Variants in DPP6 observed in about 807,000 individuals in gnomAD.
The protein encoded by DPP6 is dipeptidyl peptidase like 6, also known as A-type potassium channel modulatory protein DPP6.
DPP6 carries 69 observed loss-of-function variants against 122.6 expected under a neutral mutation model. That is an observed-to-expected ratio of 0.56 (90% CI 0.46 to 0.69). The LOEUF is 0.69. DPP6 is among the 30% of genes least tolerant of loss of function. The probability of loss-of-function intolerance (pLI) is 0.00; values close to 1 mark genes in which losing one functional copy is unlikely to be tolerated. For missense variants in DPP6, 928 were observed against 1,116.9 expected (o/e 0.83, Z 2.41); for synonymous variants, 418 against 433.1 (o/e 0.97, Z 0.43).
At chr7:154,599,007 C>A (rs1833265125) in intron 5 of DPP6, among the ~76,000 whole-genome samples, 1 of 152,068 alleles carries the variant, frequency 6.6e-6, no homozygotes, top group Non-Finnish European at 1.5e-5. Context: ...GGGAGAGACC[C>A]TGCAGCAGTA....
chr7:154,842,506 C>T (rs1801632660), intron 16 of DPP6, among the ~76,000 whole-genome samples: 1 of 152,126 alleles, frequency 6.6e-6, no homozygotes, highest in South Asian at 2.1e-4. Flanking sequence ...GGGCTGCAAA[C>T]CAGAGACACA....
rs753562821 is a variant in DPP6, at chr7:154,868,106, T to C, written c.1813+13T>C. The stretch of plus-strand genomic sequence containing the variant: ...ATTGATGATTACAGTAAGTACTACG[T>C]TTTTCCCCTCTAAAAGAAAAAGAAA... On this transcript the variant is annotated intron_variant, in intron 18 of 25. Coordinates refer to ENST00000377770, the MANE Select transcript of DPP6 (RefSeq NM_130797.4). 6.3e-7 allele frequency: 1 copy of C among 1,591,146 alleles called. No homozygotes were observed. The highest frequency in any genetic ancestry group is 1.2e-5 in the South Asian group (1 of 86,658).
chr7:154,329,277 A>C (rs1808711240), intron 1 of DPP6, among the ~76,000 whole-genome samples: 1 of 152,246 alleles, frequency 6.6e-6, no homozygotes, highest in South Asian at 2.1e-4. Flanking sequence ...ATTGTGTTGC[A>C]TCCGCACTGG....
chr7:154,804,092 G>A, intron 14 of DPP6, 137 bp downstream of exon 14: 1 of 1,105,556 alleles, frequency 9.0e-7, no homozygotes, highest in Non-Finnish European at 1.3e-6. Flanking sequence ...CTGACTCCTA[G>A]TTTCTTCATG....
rs192393856 is a variant in DPP6, at chr7:154,062,055, C to A, written c.243+8992C>A. Among the ~76,000 whole-genome samples the A allele has an allele frequency of 1.3e-4, 15 of 113,410 alleles. 1 individual carries two copies. Among genetic ancestry groups the A allele is most frequent in the African/African-American group, 3.6e-4 (11 of 30,422 alleles). 74.4% of individuals were successfully genotyped at this position (113,410 alleles called of 152,430 possible). ...CCCCCGCGAGGCAGGGACTGACAGC[C>A]AGCCCCTGGTTCCCCCACTGGCTCT... is the stretch of plus-strand genomic sequence containing the variant. On this transcript the variant is annotated intron_variant, in intron 1 of 25. Transcript: ENST00000377770.
At chr7:153,884,870 C>CT (rs1353998751), upstream of DPP6, among the ~76,000 whole-genome samples, 3 of 151,402 alleles carry the variant, frequency 2.0e-5, no homozygotes, top group Non-Finnish European at 2.9e-5. Context: ...GTCCCAGCTA[C>CT]TTGGGAGGCT....
chr7:154,545,470 C>CCCTCCCTT (rs1829099928), intron 4 of DPP6, among the ~76,000 whole-genome samples: 1 of 124,302 alleles, frequency 8.0e-6, no homozygotes, highest in Non-Finnish European at 1.6e-5. Flanking sequence ...CTCCCTCCCT[C>CCCTCCCTT]CCTTCCTTCC....
At position 153,997,774 on chromosome 7, in the gene DPP6, C is replaced by T. The variant is rs191473585; in HGVS notation, c.51+110040C>T. Among the ~76,000 whole-genome samples the T allele has an allele frequency of 3.3e-3, 497 of 149,124 alleles. 9 individuals are homozygous for T. Among genetic ancestry groups the T allele is most frequent in the African/African-American group, 9.9e-3 (387 of 39,244 alleles). On this transcript the variant is annotated intron_variant, in intron 1 of 25. Coordinates refer to the DPP6 transcript ENST00000404039. Reference sequence around the variant, plus strand: ...GTCTACTACATGCAGCACTGCTGTTCGGGTGCTGGGGTTATAGCAGGCTAC... The same window carrying T: ...GTCTACTACATGCAGCACTGCTGTTTGGGTGCTGGGGTTATAGCAGGCTAC...
chr7:153,980,057 CA>C (rs1426609831), intron 1 of DPP6, among the ~76,000 whole-genome samples: 2 of 152,080 alleles, frequency 1.3e-5, no homozygotes, highest in African/African-American at 4.8e-5. Context: ...ATGCTGGCCT[CA>C]AAAATGAGTT....
intron 3 of DPP6, among the ~76,000 whole-genome samples, chr7:154,484,621 G>A (rs550546231): frequency 7.2e-5 from 11 of 152,150 alleles, no homozygotes; most frequent in Non-Finnish European, 1.2e-4. Flanking sequence ...CCTCCTCCCC[G>A]CCCCCTGCAG....
chr7:154,706,133 C>T (rs1254772603), intron 7 of DPP6, among the ~76,000 whole-genome samples: 2 of 152,212 alleles, frequency 1.3e-5, no homozygotes, highest in Admixed American at 6.5e-5. Flanking sequence ...CACACAAAAG[C>T]ATGGAGTCAG....
chr7:154,159,473 C>A (rs1366225874), intron 1 of DPP6, among the ~76,000 whole-genome samples: 3 of 152,326 alleles, frequency 2.0e-5, no homozygotes, highest in Admixed American at 2.0e-4. Flanking sequence ...CCAGAAGAAT[C>A]CAGAATGTTT....
At chr7:154,373,973 T>C (rs762414999) in intron 1 of DPP6, among the ~76,000 whole-genome samples, 6 of 152,216 alleles carry the variant, frequency 3.9e-5, no homozygotes, top group Non-Finnish European at 1.5e-5. Flanking sequence ...TGTCAGAATT[T>C]CCTACCCTTT....
chr7:154,061,734 A>G lies in DPP6; in HGVS notation c.243+8671A>G, dbSNP rs1376271697. Among the ~76,000 whole-genome samples the G allele has an allele frequency of 2.0e-3, 157 of 78,064 alleles. No individual in the cohort carries two copies. In the South Asian group the frequency reaches 0.02, roughly 10 times the overall value. The allele number at this position is 78,064 out of a possible 152,430, so 51.2% of individuals were successfully genotyped here. ...AATCCCCGCGAGGCGGGGACTGCGA[A>G]CCTCCCCCTTTCCTCCCCTGGCTCT... On this transcript the variant is annotated intron_variant, in intron 1 of 25. Coordinates refer to ENST00000377770, the MANE Select transcript of DPP6 (RefSeq NM_130797.4).
At chr7:154,306,798 G>GTGACAGTGTGCATAAGGATTGATGC (rs1336149902) in intron 1 of DPP6, among the ~76,000 whole-genome samples, 6 of 152,202 alleles carry the variant, frequency 3.9e-5, no homozygotes, top group Non-Finnish European at 7.3e-5. Context: ...TATATTCAGT[G>GTGACAGTGTGCATAAGGATTGATGC]TGACAGTGTG....
At chr7:153,769,187 T>G in the DPP6 span, among the ~76,000 whole-genome samples, 1 of 152,358 alleles carries the variant, frequency 6.6e-6, no homozygotes, top group South Asian at 2.1e-4. Flanking sequence ...GTACATGAGA[T>G]TGTGGTGTCC....
intron 10 of DPP6, among the ~76,000 whole-genome samples, chr7:154,787,995 T>C (rs922568164): frequency 2.6e-5 from 4 of 152,252 alleles, no homozygotes; most frequent in Non-Finnish European, 5.9e-5. Flanking sequence ...ATATTATTTT[T>C]ATCACTTAAT....
intron 3 of DPP6, among the ~76,000 whole-genome samples, chr7:154,528,953 A>AG (rs1333077555): frequency 2.6e-5 from 4 of 152,188 alleles, no homozygotes; most frequent in Non-Finnish European, 4.4e-5. Context: ...AAATGGGAAG[A>AG]GGGGCCAAGG....
At chr7:154,577,221 G>A (rs1310795803) in intron 5 of DPP6, among the ~76,000 whole-genome samples, 3 of 152,138 alleles carry the variant, frequency 2.0e-5, no homozygotes, top group African/African-American at 4.8e-5. Context: ...AAGATTCGGG[G>A]AGGGTCGTGG....
Sources: gnomAD v4.1 joint callset for allele counts (sites outside exome capture counted in the v4.1 genomes callset) on GRCh38, gnomAD v4.1.1 for gene constraint, MANE v1.5 for transcripts, NCBI Gene and HGNC (gene_info 2026-07-23, HGNC 2026-07-21) for gene names.